FNDC3B: variants seen among roughly 807,000 people sequenced by gnomAD.
FNDC3B encodes fibronectin type III domain-containing protein 3B.
A neutral mutation model predicts 151.5 loss-of-function variants in FNDC3B; 12 were observed. The observed-to-expected ratio is 0.08, with a 90% CI of 0.05 to 0.13. The LOEUF is 0.13. Among genes scored for constraint, FNDC3B ranks in the 10% least tolerant of loss-of-function variants. The pLI, the probability that FNDC3B is intolerant of heterozygous loss-of-function variation, is 1.00. For missense variants in FNDC3B, 1,214 were observed against 1,505.3 expected, an observed-to-expected ratio of 0.81 and a Z score of 3.20; for synonymous variants, 528 against 549.0, an observed-to-expected ratio of 0.96 and a Z score of 0.54.
At chr3:172,221,116 G>A (rs1726256669) in intron 3 of FNDC3B, among the ~76,000 whole-genome samples, 1 of 152,060 alleles carries the variant, frequency 6.6e-6, no homozygotes, top group South Asian at 2.1e-4. Flanking sequence ...AACACAATTG[G>A]CTTTTTTTGT....
intron 3 of FNDC3B, among the ~76,000 whole-genome samples, chr3:172,134,889 T>G (rs1721284698): frequency 6.6e-6 from 1 of 152,108 alleles, no homozygotes; most frequent in African/African-American, 2.4e-5. Context: ...GAAATATTTT[T>G]AAATAGTATG....
chr3:172,379,568 C>G (rs1735330778), intron 24 of FNDC3B, among the ~76,000 whole-genome samples: 1 of 152,236 alleles, frequency 6.6e-6, no homozygotes, highest in Non-Finnish European at 1.5e-5. Context: ...GCAGACCCTT[C>G]TTTATGTGAC....
At chr3:172,385,859 TTCCCCCAA>T (rs1735685819) in intron 25 of FNDC3B, among the ~76,000 whole-genome samples, 1 of 151,896 alleles carries the variant, frequency 6.6e-6, no homozygotes. Context: ...TGCCCGGCCC[TTCCCCCAA>T]GCTCATTTTT....
chr3:172,330,281 A>T (rs1005836246), intron 12 of FNDC3B: 3 of 350,978 alleles, frequency 8.5e-6, no homozygotes, highest in East Asian at 4.9e-5. Context: ...TGGACTCAAG[A>T]TGCAGAACCC....
chr3:172,310,058 C>G (rs1731389983), intron 10 of FNDC3B, among the ~76,000 whole-genome samples: 1 of 152,120 alleles, frequency 6.6e-6, no homozygotes, highest in Non-Finnish European at 1.5e-5. Flanking sequence ...GGTTGCTTCC[C>G]CCAACTTGTA....
At chr3:172,177,253 T>G (rs1723643014) in intron 3 of FNDC3B, among the ~76,000 whole-genome samples, 1 of 152,228 alleles carries the variant, frequency 6.6e-6, no homozygotes, top group Non-Finnish European at 1.5e-5. Flanking sequence ...AGTATTCGGA[T>G]TCCTGGGCCT....
intron 1 of FNDC3B, among the ~76,000 whole-genome samples, chr3:172,097,754 G>T (rs1719161900): frequency 1.3e-5 from 2 of 152,026 alleles, no homozygotes. Flanking sequence ...TCATAGTCTG[G>T]TTTACTTTTT....
chr3:172,224,886 A>G (rs1009546865), intron 3 of FNDC3B, among the ~76,000 whole-genome samples: 4 of 152,218 alleles, frequency 2.6e-5, no homozygotes, highest in African/African-American at 9.6e-5. Context: ...GTGGGCTGCT[A>G]AATAGGCGAG....
rs148414755 is a variant in FNDC3B at position 172,335,071 on chromosome 3, G to C, written c.1769G>C (p.Ser590Thr). Residue 590 changes from serine to threonine, a missense_variant, in exon 15 of 26, where the codon AGT becomes ACT. Physicochemically the swap from Ser to Thr is moderately conservative, Grantham distance 58. This residue lies in a region of FNDC3B where 380 missense variants were observed against 420.9 expected (regional missense o/e 0.90). Coordinates refer to ENST00000415807, the MANE Select transcript of FNDC3B (RefSeq NM_022763.4). ...GGCCCAGTTACATCTCATGGCTTTA[G>C]TGTCAAATGGGGTATGTTTTGCTGC... ...VKGPVTSHGF[S>T]VKWDPPKDNG... 90 of 1,600,040 alleles carry C rather than the reference G, an allele frequency of 5.6e-5. No individual in the cohort carries two copies. The highest frequency in any genetic ancestry group is 1.9e-4 in the Admixed American group (11 of 58,172).
intron 20 of FNDC3B, among the ~76,000 whole-genome samples, 189 bp from the exon 21 acceptor site, chr3:172,347,023 C>G (rs770826174): frequency 6.6e-6 from 1 of 152,074 alleles, no homozygotes; most frequent in African/African-American, 2.4e-5. Context: ...TTTTAAATTT[C>G]TAAATCTCAA....
intron 4 of FNDC3B, among the ~76,000 whole-genome samples, chr3:172,243,587 TTCAATTACCTCCCACCCACTCCC>T (rs900971283): frequency 2.0e-5 from 3 of 152,162 alleles, no homozygotes; most frequent in African/African-American, 7.2e-5. Flanking sequence ...GCCTTCATGA[TTCAATTACCTCCCACCCACTCCC>T]TCCCACAACA....
At chr3:172,057,046 C>G (rs1716950832) in intron 1 of FNDC3B, among the ~76,000 whole-genome samples, 1 of 152,180 alleles carries the variant, frequency 6.6e-6, no homozygotes, top group Non-Finnish European at 1.5e-5. Context: ...CCTTTCTGCC[C>G]CTTTAAAGAG....
At chr3:172,063,217 GT>G (rs1176773545) in intron 1 of FNDC3B, among the ~76,000 whole-genome samples, 5 of 151,950 alleles carry the variant, frequency 3.3e-5, no homozygotes, top group Non-Finnish European at 5.9e-5. Flanking sequence ...TTTTTCTACA[GT>G]CTATTCTTTG....
Position 172,044,752 on chromosome 3 carries a change from T to C in FNDC3B, c.-29+4981T>C, listed in dbSNP as rs147330796. 2.2e-4 allele frequency among the ~76,000 whole-genome samples: 34 copies of C among 152,300 alleles called. 1 individual carries two copies. Among genetic ancestry groups the C allele is most frequent in the East Asian group, 5.8e-4 (3 of 5,188 alleles). ...AGTGTCCTAGTGAGTGTGACAAATATAGGAAACATGATTTAACCCATGACA... is the reference window on the plus strand; with the variant it reads ...AGTGTCCTAGTGAGTGTGACAAATACAGGAAACATGATTTAACCCATGACA... On this transcript the variant is annotated intron_variant, in intron 1 of 25. Transcript: ENST00000415807.
At chr3:172,068,855 C>G (rs1453865908) in intron 1 of FNDC3B, among the ~76,000 whole-genome samples, 3 of 152,172 alleles carry the variant, frequency 2.0e-5, no homozygotes, top group South Asian at 2.1e-4. Flanking sequence ...ATTTAATCCT[C>G]ACAGTGTCCT....
chr3:172,292,926 G>T (rs1197040805), intron 7 of FNDC3B, among the ~76,000 whole-genome samples: 1 of 152,164 alleles, frequency 6.6e-6, no homozygotes, highest in Admixed American at 6.5e-5. Flanking sequence ...TGCACCAAAT[G>T]CAGGGATGGA....
At chr3:172,365,810 A>G (rs1450372983) in intron 23 of FNDC3B, among the ~76,000 whole-genome samples, 3 of 152,240 alleles carry the variant, frequency 2.0e-5, no homozygotes, top group Non-Finnish European at 2.9e-5. Context: ...ACACTTAAGT[A>G]TATTTTGTAA....
At chr3:172,327,834 T>A (rs1162310955) in intron 11 of FNDC3B, among the ~76,000 whole-genome samples, 1 of 152,278 alleles carries the variant, frequency 6.6e-6, no homozygotes, top group Non-Finnish European at 1.5e-5. Flanking sequence ...AAGGAGATGC[T>A]TAAATTTGTT....
intron 1 of FNDC3B, among the ~76,000 whole-genome samples, chr3:172,085,895 A>C (rs2108504457): frequency 6.6e-6 from 1 of 152,362 alleles, no homozygotes; most frequent in South Asian, 2.1e-4. Flanking sequence ...TCTCAGATAC[A>C]GTATTAGAAG....
Sources: allele counts gnomAD v4.1 joint callset (sites outside exome capture counted in the v4.1 genomes callset), GRCh38; gene constraint gnomAD v4.1.1; regional missense constraint gnomAD v4.1.1; transcripts MANE v1.5; gene names NCBI Gene and HGNC (gene_info 2026-07-23, HGNC 2026-07-21).